Variants in PHEX observed in about 807,000 individuals in gnomAD.
PHEX encodes the protein phosphate regulating endopeptidase X-linked, also known as phosphate-regulating neutral endopeptidase PHEX.
Under a neutral mutation model 68.0 loss-of-function variants are expected in PHEX, and 16 were observed. That is an observed-to-expected ratio of 0.24 (90% CI 0.16 to 0.36). The LOEUF is 0.36. Ranked by LOEUF, PHEX falls within the 10% of genes least tolerant of loss-of-function variation. PHEX has a pLI of 1.00. For synonymous variants in PHEX, 208 were observed against 205.1 expected (o/e 1.01, Z -0.12); for missense variants, 480 against 575.5 (o/e 0.83, Z 1.70).
rs1192200792 is a variant in PHEX, at chrX:22,047,102, C to T, written c.240C>T (p.Phe80=). ...VNLSVDPCDN[F]FRFACDGWIS... ...TGTCTGTGGATCCTTGTGATAATTT[C>T]TTCCGGTTCGCTTGTGATGGCTGGA... Residue 80 remains phenylalanine (F), a synonymous_variant, in exon 3 of 22, where the codon TTC becomes TTT. Coordinates refer to ENST00000379374, the MANE Select transcript of PHEX (RefSeq NM_000444.6). 7 of 1,207,925 alleles carry T rather than the reference C, an allele frequency of 5.8e-6. No individual in the cohort carries two copies. The highest frequency in any genetic ancestry group is 7.8e-6 in the Non-Finnish European group (7 of 892,038).
At chrX:22,053,774 G>T (rs1313241783) in intron 3 of PHEX, among the ~76,000 whole-genome samples, 3 of 112,094 alleles carry the variant, frequency 2.7e-5, no homozygotes, top group Non-Finnish European at 3.8e-5. Context: ...GTGAAGAAAT[G>T]CAATATATTA....
At chrX:22,246,063 T>C (rs1234042833) in intron 21 of PHEX, among the ~76,000 whole-genome samples, 2 of 111,992 alleles carry the variant, frequency 1.8e-5, no homozygotes, top group Non-Finnish European at 3.8e-5. Context: ...AGTCTACATT[T>C]TGGCTTTCAG....
intron 11 of PHEX, among the ~76,000 whole-genome samples, chrX:22,123,565 C>G (rs1169017736): frequency 9.0e-6 from 1 of 111,351 alleles, no homozygotes; most frequent in African/African-American, 3.3e-5. Flanking sequence ...TATCAACTTC[C>G]TGGCACAGGC....
chrX:22,244,378 AC>A (rs1374939412), intron 20 of PHEX, among the ~76,000 whole-genome samples: 1 of 110,560 alleles, frequency 9.0e-6, no homozygotes, highest in African/African-American at 3.3e-5. Flanking sequence ...GCACATGTAT[AC>A]CTATGTAAGA....
intron 12 of PHEX, among the ~76,000 whole-genome samples, chrX:22,162,056 C>T (rs1226929380): frequency 8.9e-6 from 1 of 111,794 alleles, no homozygotes; most frequent in Non-Finnish European, 1.9e-5. Flanking sequence ...AAGGCAGAAA[C>T]CAAGATGGCA....
At chrX:22,230,734 T>C (rs1030160292) in intron 20 of PHEX, among the ~76,000 whole-genome samples, 6 of 111,835 alleles carry the variant, frequency 5.4e-5, no homozygotes, top group Admixed American at 9.5e-5. Flanking sequence ...CAGAGACAGT[T>C]TGACTTCCTC....
rs927971133 is a variant in PHEX, at chrX:22,248,142, T to G, written c.*189T>G. ...GTTGTAGGGCTTATAAAGTGGAATATAAGAATGAACTAAGTATGTTTCTTT... is the reference window on the plus strand; with the variant it reads ...GTTGTAGGGCTTATAAAGTGGAATAGAAGAATGAACTAAGTATGTTTCTTT... On this transcript the variant is annotated 3_prime_UTR_variant, in exon 22 of 22. Transcript: ENST00000379374. 3 of 437,221 alleles carry G rather than the reference T, an allele frequency of 6.9e-6. No individual in the cohort carries two copies. Among genetic ancestry groups the G allele is most frequent in the Non-Finnish European group, 8.0e-6 (2 of 249,590 alleles). The allele number at this position is 437,221 out of a possible 1,213,427, so 36.0% of individuals were successfully genotyped here.
intron 12 of PHEX, among the ~76,000 whole-genome samples, chrX:22,160,435 G>A (rs1239479473): frequency 9.1e-6 from 1 of 109,910 alleles, no homozygotes; most frequent in Non-Finnish European, 1.9e-5. Flanking sequence ...TGACATCCCA[G>A]CTACTTGGGA....
chrX:22,118,339 CAAAAAAAAAAAA>C (rs1157170753), intron 11 of PHEX, among the ~76,000 whole-genome samples: 2 of 21,111 alleles, frequency 9.5e-5, no homozygotes, highest in African/African-American at 3.4e-4. Flanking sequence ...TAAACAGCAC[CAAAAAAAAAAAA>C]AAAAAAAAAA....
chrX:22,232,519 G>A (rs964121014), intron 20 of PHEX, among the ~76,000 whole-genome samples: 2 of 101,341 alleles, frequency 2.0e-5, no homozygotes, highest in Admixed American at 1.1e-4. Context: ...TTACGATTAT[G>A]TAATGCTCTT....
At chrX:22,090,313 A>G in intron 5 of PHEX, 116 bp from the exon 6 acceptor site, 1 of 578,869 alleles carries the variant, frequency 1.7e-6, no homozygotes, top group Non-Finnish European at 3.0e-6. Context: ...TTGTTTTTGT[A>G]ATGGTGACAT....
At chrX:22,103,195 C>T (rs1228400467) in intron 9 of PHEX, among the ~76,000 whole-genome samples, 4 of 111,850 alleles carry the variant, frequency 3.6e-5, no homozygotes, top group Non-Finnish European at 7.5e-5. Flanking sequence ...GAGATGCTAG[C>T]GTATTGTACC....
intron 11 of PHEX, among the ~76,000 whole-genome samples, chrX:22,131,275 A>C (rs1252866506): frequency 3.6e-5 from 4 of 111,398 alleles, no homozygotes; most frequent in East Asian, 5.6e-4. Flanking sequence ...TCCTGACCTC[A>C]AGTAATCTGC....
intron 12 of PHEX, among the ~76,000 whole-genome samples, chrX:22,134,297 A>C (rs908669645): frequency 1.8e-5 from 2 of 112,595 alleles, no homozygotes; most frequent in African/African-American, 6.4e-5. Context: ...TGCTGTTTAA[A>C]AGTAGAAAAC....
At chrX:22,232,974 C>T (rs1217656272) in intron 20 of PHEX, among the ~76,000 whole-genome samples, 1 of 110,920 alleles carries the variant, frequency 9.0e-6, no homozygotes, top group Non-Finnish European at 1.9e-5. Context: ...CTTTGAGGAG[C>T]TCTTGTAAGG....
chrX:22,234,709 T>TG (rs1186510476), intron 20 of PHEX, among the ~76,000 whole-genome samples: 1 of 109,006 alleles, frequency 9.2e-6, no homozygotes, highest in African/African-American at 3.4e-5. Context: ...CTGGGCTCTG[T>TG]GGGGGTAGGA....
At chrX:22,141,788 T>C (rs1250687662) in intron 12 of PHEX, among the ~76,000 whole-genome samples, 4 of 112,425 alleles carry the variant, frequency 3.6e-5, no homozygotes, top group Non-Finnish European at 7.5e-5. Flanking sequence ...AGTTCCATCA[T>C]CTAAACATAA....
At chrX:22,058,793 A>G (rs12558761) in intron 3 of PHEX, among the ~76,000 whole-genome samples, 20,541 of 111,406 alleles carry the variant, frequency 0.18, 1,450 homozygotes, top group Admixed American at 0.25. Context: ...GCCACTTAAA[A>G]AAATTCTACC....
At chrX:22,227,681 A>C in intron 20 of PHEX, 70 bp downstream of exon 20, 2 of 716,943 alleles carry the variant, frequency 2.8e-6, no homozygotes, top group Non-Finnish European at 4.5e-6. Flanking sequence ...GATCAAAGAA[A>C]GATTTCAAAC....
Sources: allele counts gnomAD v4.1 joint callset (sites outside exome capture counted in the v4.1 genomes callset), GRCh38; gene constraint gnomAD v4.1.1; transcripts MANE v1.5; gene names NCBI Gene and HGNC (gene_info 2026-07-23, HGNC 2026-07-21).